The following MYH9 variants were observed in gnomAD, a reference collection of about 807,000 sequenced individuals.
MYH9 encodes myosin heavy chain 9.
Under a neutral mutation model 241.9 loss-of-function variants are expected in MYH9, and 29 were observed. That is an observed-to-expected ratio of 0.12 (90% CI 0.09 to 0.16). The LOEUF is 0.16. MYH9 is among the 10% of genes least tolerant of loss of function. MYH9 has a pLI of 1.00. For missense variants in MYH9, 1,803 were observed against 2,595.5 expected (o/e 0.69, Z 6.63); for synonymous variants, 1,047 against 1,062.6 (o/e 0.99, Z 0.29).
intron 2 of MYH9, among the ~76,000 whole-genome samples, chr22:36,344,799 C>T (rs2017651189): frequency 6.6e-6 from 1 of 152,178 alleles, no homozygotes; most frequent in Non-Finnish European, 1.5e-5. Context: ...TGTTCCCTTT[C>T]GTGGGAGGGA....
At chr22:36,354,277 T>C (rs1367812294) in intron 1 of MYH9, among the ~76,000 whole-genome samples, 1 of 151,898 alleles carries the variant, frequency 6.6e-6, no homozygotes, top group Non-Finnish European at 1.5e-5. Context: ...AGAAAGTAAC[T>C]CTACTCGGTC....
rs1234966376 is a variant in MYH9 at position 36,306,294 on chromosome 22, C to T, written c.2037+120G>A. 9 of 1,385,072 alleles carry T rather than the reference C, an allele frequency of 6.5e-6. No homozygotes were observed. Among genetic ancestry groups the T allele is most frequent in the South Asian group, 1.2e-5 (1 of 82,226 alleles). 85.8% of individuals were successfully genotyped at this position (1,385,072 alleles called of 1,614,324 possible). ...AGCCAAGGCCCACCCTGCAGAGAAA[C>T]GACTGAAGGCTCTGTGCATGCTGGG... On this transcript the variant is annotated intron_variant, in intron 16 of 40. Transcript: ENST00000216181. The surrounding 1 kb of genome is among the most constrained non-coding windows in gnomAD (Gnocchi z 4.1).
rs2017386005 is a variant in MYH9, at chr22:36,329,327, C to A, written c.491-1839G>T. Among the ~76,000 whole-genome samples the A allele has an allele frequency of 6.6e-6, 1 of 152,228 alleles. No homozygotes were observed. Among genetic ancestry groups the A allele is most frequent in the South Asian group, 2.1e-4 (1 of 4,834 alleles). ...AGCGAGGACAGAGATTAGAGACCTGCATCCTCGACTAGACAGACGGGAAGA... is the reference window on the plus strand; with the variant it reads ...AGCGAGGACAGAGATTAGAGACCTGAATCCTCGACTAGACAGACGGGAAGA... On this transcript the variant is annotated intron_variant, in intron 3 of 40. Coordinates refer to ENST00000216181, the MANE Select transcript of MYH9 (RefSeq NM_002473.6). The surrounding 1 kb of genome is among the most constrained non-coding windows in gnomAD (Gnocchi z 4.1).
chr22:36,329,882 C>T lies in MYH9; in HGVS notation c.491-2394G>A, dbSNP rs537546083. On this transcript the variant is annotated intron_variant, in intron 3 of 40. Transcript: ENST00000216181. This position sits in a 1 kb window ranked among gnomAD's most constrained non-coding sequence, Gnocchi z 4.1. ...AGGTACGTGTGCACAGAAATACATG[C>T]GCACACACGTGTGCAAAGCCATATA... Among the ~76,000 whole-genome samples, 5 of 152,312 alleles carry T rather than the reference C, an allele frequency of 3.3e-5. No homozygotes were observed. The highest frequency in any genetic ancestry group is 2.1e-4 in the South Asian group (1 of 4,828).
rs932894556 is a variant in MYH9, at chr22:36,294,080, C to A, written c.3837+12G>T. On this transcript the variant is annotated intron_variant, in intron 28 of 40. Coordinates refer to ENST00000216181, the MANE Select transcript of MYH9 (RefSeq NM_002473.6). ...CCCACTGCCCGCGCCAGGGTCCTGGCGGAGGCCTCACCTGCAGCTTGGTGA... is the reference window on the plus strand; with the variant it reads ...CCCACTGCCCGCGCCAGGGTCCTGGAGGAGGCCTCACCTGCAGCTTGGTGA... The A allele has an allele frequency of 1.2e-6, 2 of 1,606,558 alleles. No individual in the cohort carries two copies. The highest frequency in any genetic ancestry group is 1.3e-5 in the African/African-American group (1 of 74,916).
At chr22:36,312,590 A>G (rs866336487) in intron 13 of MYH9, among the ~76,000 whole-genome samples, 1 of 152,110 alleles carries the variant, frequency 6.6e-6, no homozygotes, top group Non-Finnish European at 1.5e-5. Context: ...GCCACGGGAG[A>G]TGCCAACCCA....
At position 36,294,133 on chromosome 22, in the gene MYH9, G is replaced by C; in HGVS notation, c.3796C>G (p.Arg1266Gly). The change falls in exon 28 of 41, where the codon CGC becomes GGC. Residue 1266 changes from arginine (R) to glycine (G), a missense_variant. This residue lies in a region of MYH9 where 876 missense variants were observed against 1,077.8 expected (regional missense o/e 0.81). Coordinates refer to ENST00000216181, the MANE Select transcript of MYH9 (RefSeq NM_002473.6). Reference sequence around the variant, plus strand: ...TTGTCGGCCAGCTCTGTGCGCACGCGCTCTCCCTCGTTGAACTTGACCTGC... The same window carrying C: ...TTGTCGGCCAGCTCTGTGCGCACGCCCTCTCCCTCGTTGAACTTGACCTGC... ...ELQVKFNEGE[R>G]VRTELADKVT... 6.2e-7 allele frequency: 1 copy of C among 1,611,660 alleles called. No individual in the cohort carries two copies. Among genetic ancestry groups the C allele is most frequent in the Non-Finnish European group, 8.5e-7 (1 of 1,180,022 alleles).
At position 36,288,192 on chromosome 22, in the gene MYH9, C is replaced by T; in HGVS notation, c.4932+60G>A. On this transcript the variant is annotated intron_variant, in intron 34 of 40. Transcript: ENST00000216181. The surrounding 1 kb of genome is among the most constrained non-coding windows in gnomAD (Gnocchi z 4.8). The stretch of plus-strand genomic sequence containing the variant: ...GCCCTGGGCCGAGCCCTGGCACCTT[C>T]ATATGTAGTTGGCTCAGTCGGGTGC... 4.4e-6 allele frequency: 7 copies of T among 1,604,306 alleles called. No homozygotes were observed. The highest frequency in any genetic ancestry group is 6.0e-6 in the Non-Finnish European group (7 of 1,176,388).
chr22:36,294,631 A>C (rs1369505789), intron 27 of MYH9, among the ~76,000 whole-genome samples: 1 of 152,250 alleles, frequency 6.6e-6, no homozygotes, highest in African/African-American at 2.4e-5. Context: ...TTGTAACGCA[A>C]TAAGGGGAAC....
chr22:36,325,065 AT>A, intron 5 of MYH9: 1 of 773,592 alleles, frequency 1.3e-6, no homozygotes. Context: ...AAATTCAGAG[AT>A]GGAAAAGCAC....
Position 36,296,925 on chromosome 22 carries a change from T to C in MYH9, c.3190A>G (p.Ile1064Val). ...EGDSTDLSDQ[I>V]AELQAQIAEL... ...GCGATCTGGGCCTGGAGCTCGGCGA[T>C]CTGGTCGCTGAGGTCTGTGGAGTCT... The change falls in exon 25 of 41, where the codon ATC becomes GTC. Residue 1064 changes from isoleucine (I) to valine (V), a missense_variant. By Grantham distance (29) the Ile-to-Val change is conservative (BLOSUM62 3). Around this residue, in one of 11 missense-constraint regions of MYH9, gnomAD observed 290 missense variants for 360.5 expected, o/e 0.80. Coordinates refer to ENST00000216181, the MANE Select transcript of MYH9 (RefSeq NM_002473.6). The C allele has an allele frequency of 6.2e-7, 1 of 1,614,110 alleles. No homozygotes were observed.
At chr22:36,335,429 G>A (rs1004265735) in intron 3 of MYH9, among the ~76,000 whole-genome samples, 7 of 152,228 alleles carry the variant, frequency 4.6e-5, no homozygotes, top group Admixed American at 2.6e-4. Context: ...GCGGCCTCCC[G>A]GCTGGGTGCA....
At chr22:36,289,377 G>A (rs1569534825) in intron 31 of MYH9, 80 bp from the exon 32 acceptor site, 3 of 1,392,632 alleles carry the variant, frequency 2.2e-6, no homozygotes, top group South Asian at 2.5e-5. Flanking sequence ...GCTCCCTGGG[G>A]AAGGAGGAGC....
In MYH9 at chr22:36,340,772, T is replaced by C. The variant is rs369985180; in HGVS notation, c.490+598A>G. ...GACTTAGCAACACACAGGTCATACATAGGTGACCTCTGTTGGCCAGTCTGG... is the reference window on the plus strand; with the variant it reads ...GACTTAGCAACACACAGGTCATACACAGGTGACCTCTGTTGGCCAGTCTGG... On this transcript the variant is annotated intron_variant, in intron 3 of 40. Transcript: ENST00000216181. 5.9e-5 allele frequency among the ~76,000 whole-genome samples: 9 copies of C among 151,748 alleles called. No homozygotes were observed. The East Asian group carries it at 1.2e-3, about 20-fold the overall frequency.
chr22:36,364,151 G>A (rs911127130), intron 1 of MYH9, among the ~76,000 whole-genome samples: 1 of 152,190 alleles, frequency 6.6e-6, no homozygotes, highest in Non-Finnish European at 1.5e-5. Context: ...TTTGAAGGTT[G>A]CTCAGCCTAG....
intron 12 of MYH9, among the ~76,000 whole-genome samples, chr22:36,315,038 C>G (rs1029627856): frequency 6.6e-5 from 10 of 152,152 alleles, no homozygotes; most frequent in Non-Finnish European, 1.3e-4. Flanking sequence ...CTTGCCTCAG[C>G]CTTCCAAAGT....
rs530533580 is a variant in MYH9, at chr22:36,292,032, C to A, written c.4298G>T (p.Arg1433Leu). The A allele has an allele frequency of 6.2e-7, 1 of 1,614,176 alleles. No homozygotes were observed. Among genetic ancestry groups the A allele is most frequent in the South Asian group, 1.1e-5 (1 of 91,090 alleles). The change falls in exon 31 of 41, where the codon CGC becomes CTC. Residue 1433 changes from arginine to leucine, a missense_variant. Physicochemically the swap from Arg to Leu is moderately radical, Grantham distance 102 (BLOSUM62 -2). Around this residue, in one of 11 missense-constraint regions of MYH9, gnomAD observed 876 missense variants for 1,077.8 expected, o/e 0.81. Coordinates refer to ENST00000216181, the MANE Select transcript of MYH9 (RefSeq NM_002473.6). ...DDLLVDLDHQ[R>L]QSACNLEKKQ... ...CTTCTCCAGGTTGCACGCGCTCTGG[C>A]GCTGGTGGTCCAGGTCCACCAGCAG...
intron 3 of MYH9, among the ~76,000 whole-genome samples, chr22:36,338,819 CAAAA>C (rs1328134632): frequency 9.0e-6 from 1 of 110,874 alleles, no homozygotes; most frequent in African/African-American, 3.4e-5. Flanking sequence ...GACTCCATCT[CAAAA>C]AAAAAAAAAA....
chr22:36,291,840 C>A (rs2146335057), intron 31 of MYH9, 146 bp downstream of exon 31: 1 of 1,187,654 alleles, frequency 8.4e-7, no homozygotes, highest in South Asian at 1.4e-5. Context: ...CAAGCCAGAG[C>A]CTGAGGGTCC....
Sources: gnomAD v4.1 joint callset for allele counts (sites outside exome capture counted in the v4.1 genomes callset) on GRCh38, gnomAD v4.1.1 for gene constraint, gnomAD v4.1.1 regional missense constraint, Gnocchi (gnomAD v3.1) non-coding constraint, MANE v1.5 for transcripts, NCBI Gene and HGNC (gene_info 2026-07-23, HGNC 2026-07-21) for gene names.